The following POMGNT1 variants were observed in gnomAD, a reference collection of about 807,000 sequenced individuals.
The protein encoded by POMGNT1 is protein O-linked-mannose beta-1,2-N-acetylglucosaminyltransferase 1.
In POMGNT1, 67 loss-of-function variants were observed where a neutral mutation model predicts 95.6. The observed-to-expected ratio is 0.70, with a 90% CI of 0.58 to 0.86. POMGNT1 has a LOEUF of 0.86. Ranked by LOEUF, POMGNT1 falls within the 40% of genes least tolerant of loss-of-function variation. The pLI, the probability that POMGNT1 is intolerant of heterozygous loss-of-function variation, is 0.00. For synonymous variants in POMGNT1, 298 were observed against 317.9 expected (o/e 0.94, Z 0.66); for missense variants, 719 against 855.2 (o/e 0.84, Z 1.99).
At chr1:46,216,764 C>T (rs928371413) in intron 1 of POMGNT1, among the ~76,000 whole-genome samples, 4 of 152,210 alleles carry the variant, frequency 2.6e-5, no homozygotes, top group African/African-American at 9.6e-5. Context: ...TAGTACCCAA[C>T]AAATAATTTT....
At position 46,196,014 on chromosome 1, in the gene POMGNT1, T is replaced by C. The variant is rs886042796; in HGVS notation, c.418A>G (p.Thr140Ala). The C allele has an allele frequency of 1.2e-6, 2 of 1,613,940 alleles. No homozygotes were observed. Among genetic ancestry groups the C allele is most frequent in the Non-Finnish European group, 1.7e-6 (2 of 1,180,028 alleles). Residue 140 changes from threonine to alanine, a missense_variant and splice_region_variant, in exon 5 of 22, where the codon ACG (threonine) becomes GCG (alanine). Physicochemically the swap from Thr to Ala is moderately conservative, Grantham distance 58 (BLOSUM62 0). This residue lies in a region of POMGNT1 where 466 missense variants were observed against 517.4 expected (regional missense o/e 0.90). Coordinates refer to ENST00000371984, the MANE Select transcript of POMGNT1 (RefSeq NM_017739.4). This position sits in a 1 kb window ranked among gnomAD's most constrained non-coding sequence, Gnocchi z 4.4. Reference protein sequence around the residue: ...GIHVIVLNQATGHVMAKRVFD... With the variant: ...GIHVIVLNQAAGHVMAKRVFD... ...GTCACCCACCCCTAGAAACTCACCG[T>C]GGCCTGGTTGAGGACAATGACATGG...
At chr1:46,204,195 G>C (rs1342070582) in intron 1 of POMGNT1, among the ~76,000 whole-genome samples, 1 of 152,162 alleles carries the variant, frequency 6.6e-6, no homozygotes, top group Non-Finnish European at 1.5e-5. Context: ...ACCCATAGCA[G>C]GGACAGAGAG....
intron 1 of POMGNT1, among the ~76,000 whole-genome samples, chr1:46,209,950 C>A (rs1203385098): frequency 1.3e-5 from 2 of 152,134 alleles, no homozygotes; most frequent in African/African-American, 4.8e-5. Flanking sequence ...TGGTCATGGA[C>A]TAGGACAGTT....
intron 10 of POMGNT1, 33 bp downstream of exon 10, chr1:46,193,822 T>G (rs1235545598): frequency 1.2e-6 from 2 of 1,613,040 alleles, no homozygotes; most frequent in East Asian, 4.5e-5. Flanking sequence ...ACCCTCCTGT[T>G]CAGTGCTGGG....
At chr1:46,218,263 G>A (rs990784975) in intron 1 of POMGNT1, among the ~76,000 whole-genome samples, 1 of 152,180 alleles carries the variant, frequency 6.6e-6, no homozygotes, top group African/African-American at 2.4e-5. Context: ...GTGCACGCCT[G>A]TGGTCTTAGC....
At chr1:46,203,464 G>A (rs759465370) in intron 1 of POMGNT1, 1 of 1,505,164 alleles carries the variant, frequency 6.6e-7, no homozygotes, top group Non-Finnish European at 8.9e-7. Context: ...CCTGACCTGC[G>A]GGATGTGGAG....
At chr1:46,192,769 C>T (rs1315608520) in intron 14 of POMGNT1, 131 bp downstream of exon 14, 7 of 1,579,680 alleles carry the variant, frequency 4.4e-6, no homozygotes, top group African/African-American at 4.0e-5. Flanking sequence ...CCAACACCTG[C>T]CATCCTACCT....
intron 9 of POMGNT1, 65 bp from the exon 10 acceptor site, chr1:46,193,990 G>A: frequency 6.2e-7 from 1 of 1,600,518 alleles, no homozygotes; most frequent in South Asian, 1.1e-5. Flanking sequence ...CCCACCTAGG[G>A]AAGACTTCTC....
At chr1:46,218,593 T>A (rs1365169510) in intron 1 of POMGNT1, among the ~76,000 whole-genome samples, 1 of 152,196 alleles carries the variant, frequency 6.6e-6, no homozygotes, top group African/African-American at 2.4e-5. Context: ...TTGTAGATGT[T>A]CGGATTCGGC....
chr1:46,195,798 C>G lies in POMGNT1; in HGVS notation c.534+13G>C, dbSNP rs373313076. ...TAGGGAGTAGGGGTCAGGGTCAGGACAGAATAACTGACCTTGACAGTGCAG... is the reference window on the plus strand; with the variant it reads ...TAGGGAGTAGGGGTCAGGGTCAGGAGAGAATAACTGACCTTGACAGTGCAG... On this transcript the variant is annotated intron_variant, in intron 6 of 21. Coordinates refer to ENST00000371984, the MANE Select transcript of POMGNT1 (RefSeq NM_017739.4). 3.8e-6 allele frequency: 6 copies of G among 1,577,040 alleles called. No homozygotes were observed. In the South Asian group the frequency reaches 6.9e-5, roughly 18 times the overall value.
chr1:46,189,843 T>C lies in POMGNT1; in HGVS notation c.1785+11A>G. The C allele has an allele frequency of 6.2e-7, 1 of 1,613,596 alleles. No individual in the cohort carries two copies. Among genetic ancestry groups the C allele is most frequent in the Non-Finnish European group, 8.5e-7 (1 of 1,179,976 alleles). The stretch of plus-strand genomic sequence containing the variant: ...GAGGGGTTCTCCAGGGTGGGCATGG[T>C]ATTGGAGCACCTTGGCAAGCTGGGT... On this transcript the variant is annotated intron_variant, in intron 20 of 21. Transcript: ENST00000371984.
chr1:46,199,936 G>A (rs1169420876), upstream of POMGNT1, among the ~76,000 whole-genome samples: 3 of 152,150 alleles, frequency 2.0e-5, 1 homozygote, highest in African/African-American at 4.8e-5. Flanking sequence ...TTGGGAGGCC[G>A]AGGTGGGGTG....
intron 1 of POMGNT1, among the ~76,000 whole-genome samples, chr1:46,204,773 C>A (rs1442807986): frequency 6.6e-6 from 1 of 152,202 alleles, no homozygotes; most frequent in Non-Finnish European, 1.5e-5. Flanking sequence ...ACTGTACCCA[C>A]CTAAGCGGGG....
intron 1 of POMGNT1, among the ~76,000 whole-genome samples, chr1:46,213,201 G>A (rs973669840): frequency 3.3e-5 from 5 of 151,042 alleles, no homozygotes; most frequent in South Asian, 2.1e-4. Context: ...CAAAACATAC[G>A]ATGTTTCGAT....
exon 1 of POMGNT1, chr1:46,220,039 G>A (rs1401356680): frequency 1.2e-6 from 2 of 1,614,248 alleles, no homozygotes; most frequent in Non-Finnish European, 1.7e-6. Flanking sequence ...GGTGGAGAGA[G>A]GGCCAGGACT....
Position 46,195,942 on chromosome 1 carries a change from T to A in POMGNT1, c.421-18A>T. The stretch of plus-strand genomic sequence containing the variant: ...ACGTGGCCCTGGCAGGGGATATACT[T>A]CTGGTGAGTTGGTGTCATCAGCAAG... On this transcript the variant is annotated intron_variant, in intron 5 of 21. Coordinates refer to ENST00000371984, the MANE Select transcript of POMGNT1 (RefSeq NM_017739.4). 6.2e-7 allele frequency: 1 copy of A among 1,614,142 alleles called. No homozygotes were observed. Among genetic ancestry groups the A allele is most frequent in the Non-Finnish European group, 8.5e-7 (1 of 1,180,008 alleles).
intron 1 of POMGNT1, among the ~76,000 whole-genome samples, chr1:46,211,259 G>A (rs1187475899): frequency 6.6e-6 from 1 of 152,086 alleles, no homozygotes; most frequent in East Asian, 1.9e-4. Context: ...GACCTTCTCT[G>A]GAATGAGGGT....
chr1:46,194,508 A>T (rs1442603392), intron 8 of POMGNT1, 45 bp downstream of exon 8: 1 of 1,613,650 alleles, frequency 6.2e-7, no homozygotes, highest in South Asian at 1.1e-5. Context: ...CTAAATGCCC[A>T]CCCCCAGCCC....
chr1:46,203,514 G>A, intron 1 of POMGNT1: 1 of 1,560,340 alleles, frequency 6.4e-7, no homozygotes. Context: ...GCTGCTCCGC[G>A]GGCTGCGAGG....
Sources: gnomAD v4.1 joint callset for allele counts (sites outside exome capture counted in the v4.1 genomes callset) on GRCh38, gnomAD v4.1.1 for gene constraint, gnomAD v4.1.1 regional missense constraint, Gnocchi (gnomAD v3.1) non-coding constraint, MANE v1.5 for transcripts, NCBI Gene and HGNC (gene_info 2026-07-23, HGNC 2026-07-21) for gene names.